Variants in CFAP92 observed in about 807,000 individuals in gnomAD.
CFAP92 encodes the protein cilia and flagella associated protein 92 (putative).
A neutral mutation model predicts 106.3 loss-of-function variants in CFAP92; 86 were observed. The ratio of observed to expected loss-of-function variants is 0.81; its 90% CI spans 0.68 to 0.97. CFAP92 has a LOEUF of 0.97. Ranked by LOEUF, CFAP92 falls within the 50% of genes least tolerant of loss-of-function variation. The pLI, the probability that CFAP92 is intolerant of heterozygous loss-of-function variation, is 0.00. For synonymous variants in CFAP92, 477 were observed against 506.4 expected (o/e 0.94, Z 0.78); for missense variants, 1,204 against 1,283.8 (o/e 0.94, Z 0.95).
At position 128,987,790 on chromosome 3, in the gene CFAP92, A is replaced by G; in HGVS notation, c.493T>C (p.Ser165Pro). The change falls in exon 4 of 16, where the codon TCG (serine) becomes CCG (proline). Residue 165 changes from serine to proline, a missense_variant. Transcript: ENST00000645291. ...GTGATATTAAAAGTCTGCTCCCACG[A>G]CACCCAGGCTTTGTCACCTTCGTGC... ...PWHEGDKAWVSWEQTFNITVT... is the reference protein window; with the variant it reads ...PWHEGDKAWVPWEQTFNITVT... 1 of 1,613,326 alleles carries G rather than the reference A, an allele frequency of 6.2e-7. No individual in the cohort carries two copies. The highest frequency in any genetic ancestry group is 8.5e-7 in the Non-Finnish European group (1 of 1,179,504).
the CFAP92 span, among the ~76,000 whole-genome samples, chr3:129,008,849 G>A: frequency 5.3e-5 from 8 of 152,236 alleles, no homozygotes; most frequent in East Asian, 1.4e-3. Flanking sequence ...TGGTCCCCTC[G>A]CAGCCACATC....
At chr3:128,976,909 C>G in intron 6 of CFAP92, 70 bp downstream of exon 6, 2 of 1,238,378 alleles carry the variant, frequency 1.6e-6, no homozygotes, top group South Asian at 2.4e-5. Flanking sequence ...AAAAACCTAC[C>G]ACGACTCATA....
chr3:128,985,800 A>C (rs933997660), intron 4 of CFAP92, among the ~76,000 whole-genome samples: 1 of 152,220 alleles, frequency 6.6e-6, no homozygotes, highest in East Asian at 1.9e-4. Context: ...TCACACTGGA[A>C]GCCTACGACT....
intron 4 of CFAP92, among the ~76,000 whole-genome samples, chr3:128,986,990 G>A (rs958517913): frequency 1.3e-5 from 2 of 152,082 alleles, no homozygotes; most frequent in African/African-American, 4.8e-5. Context: ...GCGAAACCCC[G>A]TCTCTACTAA....
chr3:129,016,498 G>A, the CFAP92 span, among the ~76,000 whole-genome samples: 2 of 149,358 alleles, frequency 1.3e-5, no homozygotes, highest in African/African-American at 2.5e-5. Flanking sequence ...TCATGGGCAC[G>A]CCCGTGTCTA....
chr3:129,009,221 G>A, the CFAP92 span, among the ~76,000 whole-genome samples: 8 of 152,280 alleles, frequency 5.3e-5, no homozygotes, highest in South Asian at 1.7e-3. Flanking sequence ...TCTCCTGGGT[G>A]AATGCCAGAA....
chr3:128,935,014 G>T, intron 11 of CFAP92, 111 bp downstream of exon 11: 1 of 781,238 alleles, frequency 1.3e-6, no homozygotes. Context: ...ACCATCTGTT[G>T]GGGCCACTAT....
Position 128,945,952 on chromosome 3 carries a change from G to A in CFAP92, c.1377C>T (p.Cys459=), listed in dbSNP as rs1940174594. Residue 459 remains cysteine, a synonymous_variant, in exon 10 of 16, where the codon TGC becomes TGT. Transcript: ENST00000645291. The part of the protein sequence containing the change: ...ELERLCMPVY[C]KYQFHKTPVH... ...CTGGAGTCTTATGGAACTGGTACTT[G>A]CAGTACACAGGCATGCACAGCCTCT... 1.4e-6 allele frequency: 2 copies of A among 1,445,582 alleles called. No homozygotes were observed. The highest frequency in any genetic ancestry group is 1.8e-6 in the Non-Finnish European group (2 of 1,106,214). 89.5% of individuals were successfully genotyped at this position (1,445,582 alleles called of 1,614,324 possible).
Position 128,909,941 on chromosome 3 carries a change from CA to C in CFAP92, c.*357del, listed in dbSNP as rs1481493015. ...AAGGAACACAGGAGACTAAGACAGG[CA>C]AAGATGCAGCCCAGGGAGGGACCAT... On this transcript the variant is annotated 3_prime_UTR_variant, in exon 16 of 16. Transcript: ENST00000645291. 6.3e-7 allele frequency: 1 copy of C among 1,580,796 alleles called. No homozygotes were observed. The highest frequency in any genetic ancestry group is 8.6e-7 in the Non-Finnish European group (1 of 1,161,940).
intron 3 of CFAP92, 86 bp from the exon 4 acceptor site, chr3:128,987,915 G>A: frequency 2.6e-6 from 3 of 1,152,084 alleles, no homozygotes; most frequent in East Asian, 5.1e-5. Flanking sequence ...CCCCAGCCTG[G>A]CCCTCAGCAG....
At chr3:128,961,105 C>T (rs1029234459) in intron 9 of CFAP92, among the ~76,000 whole-genome samples, 58 of 152,264 alleles carry the variant, frequency 3.8e-4, no homozygotes, top group African/African-American at 1.2e-3. Context: ...TCTGCAATGC[C>T]GCTTGACCCC....
intron 2 of CFAP92, chr3:128,991,465 G>GT (rs1314996595): frequency 6.5e-6 from 1 of 153,752 alleles, no homozygotes; most frequent in Non-Finnish European, 1.5e-5. Context: ...GTCCCAAGGC[G>GT]TAAGGTCACT....
chr3:128,942,916 CTTTTTTTTT>C (rs36073693), intron 10 of CFAP92, among the ~76,000 whole-genome samples: 1 of 84,950 alleles, frequency 1.2e-5, no homozygotes. Context: ...AAAACTCAAC[CTTTTTTTTT>C]TTTTTTTTTT....
At position 128,947,678 on chromosome 3, in the gene CFAP92, A is replaced by C. The variant is rs148235521; in HGVS notation, c.1354-1703T>G. 6.8e-3 allele frequency among the ~76,000 whole-genome samples: 1,040 copies of C among 152,284 alleles called. 12 individuals are homozygous for C. Among genetic ancestry groups the C allele is most frequent in the African/African-American group, 0.024 (989 of 41,560 alleles). ...ACACCATATACAAAAATTCATTCAA[A>C]ATTGATCAAAGGCTGGGTGTGGTGG... On this transcript the variant is annotated intron_variant, in intron 9 of 15. Coordinates refer to ENST00000645291, the MANE Select transcript of CFAP92 (RefSeq NM_001394090.1).
At chr3:128,987,494 C>G in intron 4 of CFAP92, 122 bp downstream of exon 4, 1 of 821,566 alleles carries the variant, frequency 1.2e-6, no homozygotes, top group Admixed American at 2.4e-5. Context: ...CCTGCAACAT[C>G]TGCAAAACCC....
At chr3:128,950,529 G>A (rs1170980402) in intron 9 of CFAP92, among the ~76,000 whole-genome samples, 2 of 152,196 alleles carry the variant, frequency 1.3e-5, no homozygotes, top group South Asian at 2.1e-4. Flanking sequence ...CCAGGCCCCC[G>A]ACACCCTCAA....
chr3:128,951,201 C>T (rs1431528687), intron 9 of CFAP92, among the ~76,000 whole-genome samples: 1 of 151,098 alleles, frequency 6.6e-6, no homozygotes, highest in East Asian at 1.9e-4. Flanking sequence ...TGCCACTGCA[C>T]TCCAGCCTGG....
chr3:128,934,277 T>C (rs746928503), intron 11 of CFAP92, among the ~76,000 whole-genome samples: 1 of 152,186 alleles, frequency 6.6e-6, no homozygotes, highest in Non-Finnish European at 1.5e-5. Flanking sequence ...TGGAGTGCAA[T>C]GACGCAATCT....
In CFAP92 at chr3:128,910,589, G is replaced by A. The variant is rs1023050503; in HGVS notation, c.3281-256C>T. 6 of 880,304 alleles carry A rather than the reference G, an allele frequency of 6.8e-6. No homozygotes were observed. The African/African-American group carries it at 8.2e-5, about 12-fold the overall frequency. 54.5% of individuals were successfully genotyped at this position (880,304 alleles called of 1,614,324 possible). ...GTTGGGGAAAGGCTGTTGGATCAGG[G>A]CTGGAATTAGAACCCAAGACGGGGT... On this transcript the variant is annotated intron_variant, in intron 15 of 15. Coordinates refer to ENST00000645291, the MANE Select transcript of CFAP92 (RefSeq NM_001394090.1).
Sources: gnomAD v4.1 joint callset for allele counts (sites outside exome capture counted in the v4.1 genomes callset) on GRCh38, gnomAD v4.1.1 for gene constraint, MANE v1.5 for transcripts, NCBI Gene and HGNC (gene_info 2026-07-23, HGNC 2026-07-21) for gene names.